The following SLC35E2B variants were observed in gnomAD, a reference collection of about 807,000 sequenced individuals.
SLC35E2B encodes the protein solute carrier family 35 member E2B, also known as solute carrier family 35, member E2B.
Under a neutral mutation model 32.4 loss-of-function variants are expected in SLC35E2B, and 18 were observed. The ratio of observed to expected loss-of-function variants is 0.56; its 90% CI spans 0.38 to 0.82. The LOEUF is 0.82. SLC35E2B is among the 40% of genes least tolerant of loss of function. The pLI is 0.00. For missense variants in SLC35E2B, 263 were observed against 469.5 expected (o/e 0.56, Z 4.06); for synonymous variants, 132 against 209.1 (o/e 0.63, Z 3.18).
chr1:1,669,644 C>G lies in SLC35E2B; in HGVS notation c.834+20G>C. ...GGCAGCCCGGCAAGTAAGGACGGGA[C>G]GCCTGTGTCTGAAACCCACCGTAAA... On this transcript the variant is annotated intron_variant, in intron 8 of 9. Transcript: ENST00000617444. The G allele has an allele frequency of 6.6e-7, 1 of 1,514,554 alleles. No homozygotes were observed. Among genetic ancestry groups the G allele is most frequent in the Non-Finnish European group, 8.9e-7 (1 of 1,119,842 alleles). The allele number at this position is 1,514,554 out of a possible 1,614,324, so 93.8% of individuals were successfully genotyped here.
At chr1:1,684,494 G>A (rs1260423749) in intron 2 of SLC35E2B, among the ~76,000 whole-genome samples, 3 of 152,044 alleles carry the variant, frequency 2.0e-5, no homozygotes, top group Non-Finnish European at 4.4e-5. Flanking sequence ...GGGGGCTCAC[G>A]CCTGTCATCC....
In SLC35E2B at chr1:1,689,901, T is replaced by G. The variant is rs571593207; in HGVS notation, c.-148+1075A>C. On this transcript the variant is annotated intron_variant, in intron 2 of 9. Transcript: ENST00000617444. ...ACTCGGGAGGGTGAGGCAGGAGAATTGCTTGAACCCAGGACGGGGAGGTTG... is the reference window on the plus strand; with the variant it reads ...ACTCGGGAGGGTGAGGCAGGAGAATGGCTTGAACCCAGGACGGGGAGGTTG... Among the ~76,000 whole-genome samples, 14 of 147,578 alleles carry G rather than the reference T, an allele frequency of 9.5e-5. No homozygotes were observed. The East Asian group carries it at 2.8e-3, about 30-fold the overall frequency.
intron 6 of SLC35E2B, 113 bp downstream of exon 6, chr1:1,671,396 G>A (rs1244132463): frequency 1.8e-5 from 22 of 1,189,500 alleles, no homozygotes; most frequent in South Asian, 5.4e-5. Context: ...AGCATTGGAC[G>A]CACCTGCTTT....
chr1:1,690,280 C>CAAAAAAAAAAAAAAAAA (rs751562734), intron 2 of SLC35E2B, among the ~76,000 whole-genome samples: 1 of 52,032 alleles, frequency 1.9e-5, no homozygotes, highest in African/African-American at 6.9e-5. Flanking sequence ...AACTCTGTCT[C>CAAAAAAAAAAAAAAAAA]AAAAAAAAAA....
intron 8 of SLC35E2B, 121 bp downstream of exon 8, chr1:1,669,543 C>T (rs1486714469): frequency 3.0e-5 from 30 of 1,012,364 alleles, no homozygotes; most frequent in South Asian, 2.6e-4. Context: ...AAGCAGGACC[C>T]GCAGCGGAGC....
Position 1,692,559 on chromosome 1 carries a change from C to A in SLC35E2B, c.-676G>T. 2 of 985,798 alleles carry A rather than the reference C, an allele frequency of 2.0e-6. No homozygotes were observed. The highest frequency in any genetic ancestry group is 4.7e-5 in the South Asian group (1 of 21,328). The allele number at this position is 985,798 out of a possible 1,614,324, so 61.1% of individuals were successfully genotyped here. A position where few individuals can be genotyped will look rare whatever the true frequency, so the allele number is the denominator to read the frequency against. On this transcript the variant is annotated 5_prime_UTR_variant, in exon 1 of 10. Transcript: ENST00000617444. ...AGAGGCGCGCGGTGGAGGGGCCGGG[C>A]GCGAGGCCGCGGAGACAGCTCGGAG...
At chr1:1,667,166 G>A (rs1393692405) in intron 9 of SLC35E2B, among the ~76,000 whole-genome samples, 2 of 132,982 alleles carry the variant, frequency 1.5e-5, no homozygotes, top group Admixed American at 8.2e-5. Context: ...CAGCACTTTG[G>A]GAGGCTGAGG....
chr1:1,673,780 G>A (rs1048986849), intron 5 of SLC35E2B, among the ~76,000 whole-genome samples: 3 of 151,952 alleles, frequency 2.0e-5, no homozygotes, highest in African/African-American at 4.8e-5. Context: ...TGGCTAACAC[G>A]GTGAAACCCA....
rs147663190 is a variant in SLC35E2B, at chr1:1,663,463, G to A, written c.*2319C>T. ...ATCAACAACTCCCCGCCACCTCCAG[G>A]GCATTTTCTAATAGTGTTTGTTTTT... On this transcript the variant is annotated 3_prime_UTR_variant, in exon 10 of 10. Coordinates refer to ENST00000617444, the MANE Select transcript of SLC35E2B (RefSeq NM_001290264.2). 21,211 of 898,810 alleles carry A rather than the reference G, an allele frequency of 0.024. 415 individuals carry two copies. Among genetic ancestry groups the A allele is most frequent in the Admixed American group, 0.029 (453 of 15,716 alleles). 55.7% of individuals were successfully genotyped at this position (898,810 alleles called of 1,614,324 possible).
chr1:1,686,715 G>A (rs897918976), intron 2 of SLC35E2B, among the ~76,000 whole-genome samples: 14 of 151,426 alleles, frequency 9.2e-5, no homozygotes, highest in African/African-American at 2.9e-4. Flanking sequence ...GCAGTGAGCC[G>A]AGATCATGCC....
intron 2 of SLC35E2B, among the ~76,000 whole-genome samples, chr1:1,683,477 G>T (rs1056646120): frequency 6.6e-6 from 1 of 152,216 alleles, no homozygotes; most frequent in Non-Finnish European, 1.5e-5. Context: ...CCGCAGAGAC[G>T]CGCAGGCAAG....
chr1:1,689,277 G>T (rs954345384), intron 2 of SLC35E2B, among the ~76,000 whole-genome samples: 1 of 152,108 alleles, frequency 6.6e-6, no homozygotes. Flanking sequence ...TGTCCATGCT[G>T]CCAGGCAAAA....
At chr1:1,675,409 T>A (rs1377589514) in intron 5 of SLC35E2B, 54 bp downstream of exon 5, 119 of 1,591,200 alleles carry the variant, frequency 7.5e-5, no homozygotes, top group Non-Finnish European at 9.9e-5. Flanking sequence ...GCACCACGGA[T>A]GGAGGCCTGG....
At chr1:1,674,171 C>G (rs1484513822) in intron 5 of SLC35E2B, 1 of 164,136 alleles carries the variant, frequency 6.1e-6, no homozygotes, top group Admixed American at 6.2e-5. Flanking sequence ...CAAAAGCGTC[C>G]CAGGATCCAC....
intron 2 of SLC35E2B, among the ~76,000 whole-genome samples, chr1:1,680,164 G>T (rs1428989039): frequency 1.3e-5 from 2 of 151,650 alleles, no homozygotes; most frequent in Non-Finnish European, 2.9e-5. Context: ...AGCCGGGCAT[G>T]GTGGTGCATG....
At chr1:1,674,638 A>AC (rs955638742) in intron 5 of SLC35E2B, among the ~76,000 whole-genome samples, 5 of 150,326 alleles carry the variant, frequency 3.3e-5, no homozygotes, top group Admixed American at 6.6e-5. Flanking sequence ...AAAAACAAAA[A>AC]AAAAAAAACA....
At chr1:1,681,247 G>C (rs1303526828) in intron 2 of SLC35E2B, among the ~76,000 whole-genome samples, 2 of 151,842 alleles carry the variant, frequency 1.3e-5, no homozygotes, top group Non-Finnish European at 2.9e-5. Context: ...AGCCAGACTG[G>C]AGTGCAATGG....
chr1:1,690,406 A>C (rs1198725308), intron 2 of SLC35E2B, among the ~76,000 whole-genome samples: 2 of 150,748 alleles, frequency 1.3e-5, no homozygotes, highest in Non-Finnish European at 3.0e-5. Context: ...CAGAAAGTAT[A>C]AAGAATTCCT....
At position 1,682,131 on chromosome 1, in the gene SLC35E2B, A is replaced by C. The variant is rs139053750; in HGVS notation, c.-147-5285T>G. On this transcript the variant is annotated intron_variant, in intron 2 of 9. Coordinates refer to ENST00000617444, the MANE Select transcript of SLC35E2B (RefSeq NM_001290264.2). ...CGCCTTGGCCTCCCATAGAACTGGG[A>C]TTACAGGCATGAGTGACCGTGCCCG... 6.3e-3 allele frequency among the ~76,000 whole-genome samples: 945 copies of C among 150,138 alleles called. 9 individuals are homozygous for C. Among genetic ancestry groups the C allele is most frequent in the African/African-American group, 0.022 (904 of 40,882 alleles).
Sources: gnomAD v4.1 joint callset for allele counts (sites outside exome capture counted in the v4.1 genomes callset) on GRCh38, gnomAD v4.1.1 for gene constraint, MANE v1.5 for transcripts, NCBI Gene and HGNC (gene_info 2026-07-23, HGNC 2026-07-21) for gene names.